The following MGAT4C variants were observed in gnomAD, a reference collection of about 807,000 sequenced individuals.
The protein encoded by MGAT4C is alpha-1,3-mannosyl-glycoprotein 4-beta-N-acetylglucosaminyltransferase C.
MGAT4C carries 19 observed loss-of-function variants against 40.1 expected under a neutral mutation model. That is an observed-to-expected ratio of 0.47 (90% CI 0.33 to 0.70). MGAT4C has a LOEUF of 0.70. MGAT4C is among the 30% of genes least tolerant of loss of function. MGAT4C has a pLI of 0.02. For missense variants in MGAT4C, 491 were observed against 563.2 expected (o/e 0.87, Z 1.30); for synonymous variants, 181 against 187.1 (o/e 0.97, Z 0.27).
rs1312866515 is a variant in MGAT4C, at chr12:86,198,001, T to C, written c.-57+58238A>G. Among the ~76,000 whole-genome samples the C allele has an allele frequency of 2.0e-5, 3 of 152,166 alleles. No homozygotes were observed. The East Asian group carries it at 5.8e-4, about 29-fold the overall frequency. The stretch of plus-strand genomic sequence containing the variant: ...TGAAAATATTGTTACAATAAACAAC[T>C]CAGGAAATGGGAATTGTAAAGCTCA... On this transcript the variant is annotated intron_variant, in intron 1 of 4. Transcript: ENST00000611864.
rs772217070 is a variant in MGAT4C at position 85,989,500 on chromosome 12, T to C, written c.47A>G (p.Lys16Arg). Residue 16 changes from lysine (K) to arginine (R), a missense_variant, in exon 3 of 5, where the codon AAA (lysine) becomes AGA (arginine). Transcript: ENST00000611864. ...AGAACGTTTTCTCAGGCATCTCATT[T>C]TATCAAGTATTTCAAAAATATGTTT... Reference protein sequence around the residue: ...QMKHIFEILDKMRCLRKRSTV... With the variant: ...QMKHIFEILDRMRCLRKRSTV... The C allele has an allele frequency of 4.4e-6, 7 of 1,604,988 alleles. No homozygotes were observed. In the African/African-American group the frequency reaches 5.4e-5, roughly 12 times the overall value.
At chr12:86,563,031 T>G (rs1427210440) in intron 2 of MGAT4C, among the ~76,000 whole-genome samples, 1 of 152,040 alleles carries the variant, frequency 6.6e-6, no homozygotes, top group Non-Finnish European at 1.5e-5. Context: ...TTAGGGAGAT[T>G]GGGGTGCTGG....
intron 1 of MGAT4C, among the ~76,000 whole-genome samples, chr12:86,085,708 C>A (rs1871688436): frequency 6.6e-6 from 1 of 151,992 alleles, no homozygotes; most frequent in Admixed American, 6.6e-5. Flanking sequence ...AAACAAACAA[C>A]CATATTAAAA....
At chr12:86,590,098 T>TAAAACAAAAC (rs75177684) in intron 2 of MGAT4C, among the ~76,000 whole-genome samples, 11 of 151,526 alleles carry the variant, frequency 7.3e-5, no homozygotes, top group South Asian at 4.2e-4. Flanking sequence ...CTGTGTGAAT[T>TAAAACAAAAC]AAAACAAAAC....
chr12:86,581,071 C>T (rs10745423), intron 2 of MGAT4C, among the ~76,000 whole-genome samples: 129,258 of 151,306 alleles, frequency 0.85, 55,683 homozygotes, highest in East Asian at 0.96. Context: ...TTTCTCAAGA[C>T]GCCCTTGCAC....
chr12:86,096,964 C>A (rs1252526898), intron 1 of MGAT4C, among the ~76,000 whole-genome samples: 1 of 151,402 alleles, frequency 6.6e-6, no homozygotes, highest in East Asian at 1.9e-4. Context: ...TCTTTTGCTA[C>A]TTTTCCAATT....
At chr12:86,369,232 G>T (rs573543091) in intron 3 of MGAT4C, among the ~76,000 whole-genome samples, 1 of 151,380 alleles carries the variant, frequency 6.6e-6, no homozygotes, top group African/African-American at 2.4e-5. Flanking sequence ...TTCCTTTTCA[G>T]CCTATATATT....
chr12:86,172,179 T>C (rs1288207043), intron 1 of MGAT4C, among the ~76,000 whole-genome samples: 1 of 152,186 alleles, frequency 6.6e-6, no homozygotes, highest in Non-Finnish European at 1.5e-5. Context: ...CTTAGTAATA[T>C]ATATCTCAGC....
At chr12:86,200,242 T>C (rs1162114889) in intron 1 of MGAT4C, among the ~76,000 whole-genome samples, 1 of 151,150 alleles carries the variant, frequency 6.6e-6, no homozygotes, top group Non-Finnish European at 1.5e-5. Context: ...TATTATTGCA[T>C]TGCATTTTAT....
At chr12:86,696,605 C>T (rs1376493929) in intron 2 of MGAT4C, among the ~76,000 whole-genome samples, 1 of 152,152 alleles carries the variant, frequency 6.6e-6, no homozygotes, top group Non-Finnish European at 1.5e-5. Context: ...ATGACCATCT[C>T]ATTTGGAGGA....
intron 2 of MGAT4C, among the ~76,000 whole-genome samples, chr12:86,574,802 AT>A (rs369705528): frequency 7.6e-4 from 115 of 151,870 alleles, no homozygotes; most frequent in African/African-American, 2.6e-3. Context: ...TTATTAACCT[AT>A]TTATATTGGT....
intron 1 of MGAT4C, among the ~76,000 whole-genome samples, chr12:86,206,304 G>A (rs1950249926): frequency 6.6e-6 from 1 of 152,268 alleles, no homozygotes; most frequent in East Asian, 1.9e-4. Flanking sequence ...GCACAGTGTG[G>A]TTAAGAGATT....
intron 1 of MGAT4C, among the ~76,000 whole-genome samples, chr12:86,728,429 G>A (rs1950857970): frequency 2.6e-5 from 4 of 152,204 alleles, no homozygotes; most frequent in Non-Finnish European, 4.4e-5. Context: ...AGTGGCTCAC[G>A]CCTGTAATCC....
chr12:86,458,631 A>C (rs1957547022), intron 2 of MGAT4C, among the ~76,000 whole-genome samples: 1 of 152,244 alleles, frequency 6.6e-6, no homozygotes, highest in Non-Finnish European at 1.5e-5. Context: ...TATTAAGAGA[A>C]TGAAGAAGAA....
intron 2 of MGAT4C, among the ~76,000 whole-genome samples, chr12:86,499,078 T>C (rs1958290141): frequency 6.6e-6 from 1 of 152,040 alleles, no homozygotes; most frequent in Admixed American, 6.6e-5. Context: ...AATGTTGTCT[T>C]TTTTATTTTA....
rs1953931805 is a variant in MGAT4C at position 86,306,231 on chromosome 12, A to C, written c.-57+27834T>G. On this transcript the variant is annotated intron_variant, in intron 4 of 7. Transcript: ENST00000548651. ...AGGAAATTACTCAAGAGAAACAGAA[A>C]CATAGGTCTACACACACTTATCAAG... 2.0e-5 allele frequency among the ~76,000 whole-genome samples: 3 copies of C among 150,514 alleles called. No homozygotes were observed. The South Asian group carries it at 6.2e-4, about 31-fold the overall frequency.
intron 3 of MGAT4C, among the ~76,000 whole-genome samples, chr12:86,352,506 G>A (rs906446525): frequency 6.6e-6 from 1 of 151,922 alleles, no homozygotes; most frequent in African/African-American, 2.4e-5. Context: ...ATTTACTATA[G>A]ATTGATTTAT....
intron 1 of MGAT4C, among the ~76,000 whole-genome samples, chr12:86,778,311 C>T (rs959203531): frequency 1.4e-4 from 21 of 151,992 alleles, no homozygotes; most frequent in African/African-American, 4.8e-4. Flanking sequence ...GAATAAGCTG[C>T]GTAAATAAAG....
chr12:86,769,925 A>G (rs1280408633), intron 1 of MGAT4C, among the ~76,000 whole-genome samples: 4 of 152,108 alleles, frequency 2.6e-5, no homozygotes, highest in African/African-American at 4.8e-5. Context: ...TGACAAGTTA[A>G]TGGGTGCAGC....
Sources: gnomAD v4.1 joint callset for allele counts (sites outside exome capture counted in the v4.1 genomes callset) on GRCh38, gnomAD v4.1.1 for gene constraint, MANE v1.5 for transcripts, NCBI Gene and HGNC (gene_info 2026-07-23, HGNC 2026-07-21) for gene names.